Variants in ARHGAP6 observed in about 807,000 individuals in gnomAD.
ARHGAP6 encodes Rho GTPase activating protein 6, also known as rho GTPase-activating protein 6.
Under a neutral mutation model 55.7 loss-of-function variants are expected in ARHGAP6, and 16 were observed. That is an observed-to-expected ratio of 0.29 (90% CI 0.19 to 0.44). The LOEUF is 0.44. ARHGAP6 is among the 20% of genes least tolerant of loss of function. The probability of loss-of-function intolerance (pLI) is 1.00; values close to 1 mark genes in which losing one functional copy is unlikely to be tolerated. For synonymous variants in ARHGAP6, 382 were observed against 360.9 expected (o/e 1.06, Z -0.66); for missense variants, 698 against 808.9 (o/e 0.86, Z 1.66).
At chrX:11,348,899 C>G (rs2048821394) in intron 1 of ARHGAP6, among the ~76,000 whole-genome samples, 1 of 111,359 alleles carries the variant, frequency 9.0e-6, no homozygotes, top group Non-Finnish European at 1.9e-5. Flanking sequence ...CTCTCCTGCC[C>G]CAGCCTCCCA....
At chrX:11,581,630 T>C (rs1293328184) in intron 1 of ARHGAP6, among the ~76,000 whole-genome samples, 2 of 111,489 alleles carry the variant, frequency 1.8e-5, no homozygotes, top group Non-Finnish European at 3.8e-5. Flanking sequence ...TGGATAAACC[T>C]TGAAAAATTA....
chrX:11,655,539 C>T (rs948037614), intron 1 of ARHGAP6, among the ~76,000 whole-genome samples: 5 of 112,283 alleles, frequency 4.5e-5, no homozygotes, highest in Non-Finnish European at 9.4e-5. Context: ...CTTGTCAACA[C>T]TTGTTATTAT....
At chrX:11,238,414 C>A (rs1323599094) in intron 2 of ARHGAP6, among the ~76,000 whole-genome samples, 1 of 111,788 alleles carries the variant, frequency 8.9e-6, no homozygotes, top group African/African-American at 3.3e-5. Flanking sequence ...TTGGGTGGGG[C>A]AGGATCAGGT....
intron 2 of ARHGAP6, among the ~76,000 whole-genome samples, chrX:11,220,711 G>C (rs2046956359): frequency 9.1e-6 from 1 of 110,115 alleles, no homozygotes; most frequent in South Asian, 4.1e-4. Context: ...AGACTAGGAA[G>C]AAACTGCATC....
intron 1 of ARHGAP6, among the ~76,000 whole-genome samples, chrX:11,330,629 G>A (rs1055007223): frequency 1.3e-4 from 14 of 111,326 alleles, no homozygotes; most frequent in African/African-American, 4.2e-4. Flanking sequence ...CAGGCATAGA[G>A]CTCTATGCTC....
At chrX:11,409,401 T>C (rs1207012925) in intron 1 of ARHGAP6, among the ~76,000 whole-genome samples, 1 of 111,905 alleles carries the variant, frequency 8.9e-6, no homozygotes, top group African/African-American at 3.3e-5. Context: ...AGCAGGGGCC[T>C]GTGGCCACAT....
intron 2 of ARHGAP6, among the ~76,000 whole-genome samples, chrX:11,222,917 C>A (rs926609698): frequency 1.3e-4 from 15 of 111,713 alleles, no homozygotes; most frequent in African/African-American, 4.9e-4. Flanking sequence ...TGCTTTTTTT[C>A]ATCATCTGTC....
chrX:11,491,960 G>A (rs1157505850), intron 1 of ARHGAP6, among the ~76,000 whole-genome samples: 1 of 108,277 alleles, frequency 9.2e-6, no homozygotes, highest in Non-Finnish European at 1.9e-5. Flanking sequence ...TTCTCTGATG[G>A]CCAGTGATGG....
At chrX:11,397,116 T>C (rs1298788295) in intron 1 of ARHGAP6, among the ~76,000 whole-genome samples, 1 of 111,509 alleles carries the variant, frequency 9.0e-6, no homozygotes, top group Non-Finnish European at 1.9e-5. Context: ...TGATGGAAGT[T>C]GCCCCCAAAG....
chrX:11,265,875 G>C (rs948633981), intron 1 of ARHGAP6: 2 of 951,197 alleles, frequency 2.1e-6, no homozygotes, highest in Non-Finnish European at 2.7e-6. Flanking sequence ...GATACCTTTT[G>C]TTGCCAGAGA....
intron 10 of ARHGAP6, among the ~76,000 whole-genome samples, chrX:11,146,442 G>A (rs2045692756): frequency 8.9e-6 from 1 of 111,902 alleles, no homozygotes; most frequent in Non-Finnish European, 1.9e-5. Flanking sequence ...CAGGGACATA[G>A]ACAGAGGGGG....
chrX:11,377,474 T>G (rs112923065), intron 1 of ARHGAP6, among the ~76,000 whole-genome samples: 6,673 of 111,777 alleles, frequency 0.06, 208 homozygotes, highest in African/African-American at 0.12. Context: ...TTTTAAAATT[T>G]ATTGTGGTAA....
chrX:11,519,713 C>T (rs1478256896), intron 1 of ARHGAP6, among the ~76,000 whole-genome samples: 1 of 108,427 alleles, frequency 9.2e-6, no homozygotes, highest in Non-Finnish European at 1.9e-5. Context: ...CTTTGACAAA[C>T]CTGAGAAAAA....
chrX:11,612,294 T>C (rs73501094), intron 1 of ARHGAP6, among the ~76,000 whole-genome samples: 1,532 of 112,229 alleles, frequency 0.014, 30 homozygotes, highest in African/African-American at 0.047. Context: ...TGGCACACTG[T>C]AGATGTCCAA....
chrX:11,377,091 C>T lies in ARHGAP6; in HGVS notation c.589-122384G>A, dbSNP rs531870229. ...TCCAGTGTGAGTCCCATACCTCATG[C>T]TTCAACTTGCACACTCCAAATGATC... On this transcript the variant is annotated intron_variant, in intron 1 of 12. Transcript: ENST00000337414. 5.9e-4 allele frequency among the ~76,000 whole-genome samples: 66 copies of T among 112,182 alleles called. No homozygotes were observed. The South Asian group carries it at 0.022, about 38-fold the overall frequency.
intron 1 of ARHGAP6, among the ~76,000 whole-genome samples, chrX:11,565,859 G>T (rs2051435620): frequency 8.9e-6 from 1 of 111,883 alleles, no homozygotes; most frequent in South Asian, 3.7e-4. Flanking sequence ...CATAGAAGCA[G>T]TTCAGGTACC....
intron 1 of ARHGAP6, among the ~76,000 whole-genome samples, chrX:11,638,611 A>G (rs2052442172): frequency 9.0e-6 from 1 of 111,452 alleles, no homozygotes; most frequent in African/African-American, 3.3e-5. Context: ...CAGAGAAAAC[A>G]GGGCCAAATT....
At chrX:11,149,318 CA>C (rs1439736220) in intron 10 of ARHGAP6, among the ~76,000 whole-genome samples, 1 of 111,942 alleles carries the variant, frequency 8.9e-6, no homozygotes, top group Non-Finnish European at 1.9e-5. Context: ...TAATGTGATA[CA>C]TTCTCCCTCC....
chrX:11,353,550 G>GTA (rs2048888231), intron 1 of ARHGAP6, among the ~76,000 whole-genome samples: 1 of 9,116 alleles, frequency 1.1e-4, no homozygotes, highest in Non-Finnish European at 2.2e-4. Flanking sequence ...ATTGCTTATA[G>GTA]TGTGTGTGTG....
Sources: gnomAD v4.1 joint callset for allele counts (sites outside exome capture counted in the v4.1 genomes callset) on GRCh38, gnomAD v4.1.1 for gene constraint, MANE v1.5 for transcripts, NCBI Gene and HGNC (gene_info 2026-07-23, HGNC 2026-07-21) for gene names.